Variants in TMEM71 observed in about 807,000 individuals in gnomAD.
TMEM71 encodes transmembrane protein 71.
Under a neutral mutation model 38.0 loss-of-function variants are expected in TMEM71, and 44 were observed. That is an observed-to-expected ratio of 1.16 (90% CI 0.91 to 1.49). The LOEUF is 1.49. TMEM71 is among the 40% of genes most tolerant of loss of function. The pLI is 0.00. For synonymous variants in TMEM71, 133 were observed against 122.5 expected (o/e 1.09, Z -0.56); for missense variants, 367 against 348.6 (o/e 1.05, Z -0.42).
intron 5 of TMEM71, among the ~76,000 whole-genome samples, chr8:132,745,154 AC>A (rs1159679696): frequency 3.3e-5 from 5 of 152,232 alleles, no homozygotes; most frequent in Non-Finnish European, 7.4e-5. Flanking sequence ...AGCAATTGCA[AC>A]AAAAACAAAA....
rs113178295 is a variant in TMEM71 at position 132,713,995 on chromosome 8, C to A, written c.872G>T (p.Arg291Leu). 1 of 1,613,564 alleles carries A rather than the reference C, an allele frequency of 6.2e-7. No homozygotes were observed. The highest frequency in any genetic ancestry group is 2.2e-5 in the East Asian group (1 of 44,840). ...TAATGATGACACAGGCAACACTTAC[C>A]GAGCACAGGCAGTGGTTTTGAAATA... The part of the protein sequence containing the change: ...ASYFKTTACA[R>L]FVKI The change falls in exon 9 of 10, where the codon CGG (arginine) becomes CTG (leucine). Residue 291 changes from arginine to leucine, a missense_variant and splice_region_variant. Arg to Leu is a moderately radical substitution (Grantham distance 102). Coordinates refer to ENST00000677595, the MANE Select transcript of TMEM71 (RefSeq NM_001382403.1).
At chr8:132,737,513 C>T (rs1231580721) in intron 5 of TMEM71, among the ~76,000 whole-genome samples, 2 of 152,330 alleles carry the variant, frequency 1.3e-5, no homozygotes, top group East Asian at 3.9e-4. Context: ...CCCCAAAGAG[C>T]TTTTTCCCAG....
intron 5 of TMEM71, among the ~76,000 whole-genome samples, chr8:132,742,291 C>T (rs370666739): frequency 3.2e-4 from 48 of 152,296 alleles, no homozygotes; most frequent in African/African-American, 1.0e-3. Flanking sequence ...CTTGCCTCGG[C>T]GCCTGGATGG....
At chr8:132,769,462 T>C in the TMEM71 span, among the ~76,000 whole-genome samples, 1 of 152,240 alleles carries the variant, frequency 6.6e-6, no homozygotes, top group Non-Finnish European at 1.5e-5. Context: ...TAGGTAAGAA[T>C]TCAAAAAGAG....
chr8:132,746,569 A>G (rs904546703), intron 5 of TMEM71, among the ~76,000 whole-genome samples: 15 of 150,810 alleles, frequency 9.9e-5, no homozygotes, highest in African/African-American at 3.7e-4. Flanking sequence ...ATCCAAGTGT[A>G]CTCATACTGG....
At chr8:132,727,774 A>G in intron 6 of TMEM71, 24 bp downstream of exon 6, 2 of 1,552,030 alleles carry the variant, frequency 1.3e-6, no homozygotes, top group Non-Finnish European at 1.7e-6. Flanking sequence ...GGGTGTGGCA[A>G]ATATTTAAAA....
chr8:132,727,453 T>G (rs2131061313), intron 6 of TMEM71, among the ~76,000 whole-genome samples: 1 of 152,186 alleles, frequency 6.6e-6, no homozygotes, highest in African/African-American at 2.4e-5. Context: ...AGACAGTGTT[T>G]CACCATGTTA....
intron 4 of TMEM71, among the ~76,000 whole-genome samples, chr8:132,749,153 G>GTAAGAA: frequency 6.6e-6 from 1 of 152,286 alleles, no homozygotes; most frequent in African/African-American, 2.4e-5. Flanking sequence ...GAAGGAGGGT[G>GTAAGAA]CCTAACCAAT....
rs1017031636 is a variant in TMEM71 at position 132,745,752 on chromosome 8, A to G, written c.487+1190T>C. Among the ~76,000 whole-genome samples, 7 of 152,170 alleles carry G rather than the reference A, an allele frequency of 4.6e-5. No homozygotes were observed. In the East Asian group the frequency reaches 1.4e-3, roughly 29 times the overall value. On this transcript the variant is annotated intron_variant, in intron 5 of 9. Coordinates refer to ENST00000677595, the MANE Select transcript of TMEM71 (RefSeq NM_001382403.1). ...TCAGGAGCACTATTCACAATAACAA[A>G]GACAAAGAATCAACCTAGGTTTCCA... is the stretch of plus-strand genomic sequence containing the variant.
At chr8:132,746,464 CAT>C (rs1418705092) in intron 5 of TMEM71, among the ~76,000 whole-genome samples, 2,320 of 17,520 alleles carry the variant, frequency 0.13, 71 homozygotes, top group African/African-American at 0.24. Context: ...TATATATATA[CAT>C]ATATATATAC....
chr8:132,746,902 G>T, intron 5 of TMEM71, 40 bp downstream of exon 5: 1 of 1,512,836 alleles, frequency 6.6e-7, no homozygotes, highest in Non-Finnish European at 8.9e-7. Context: ...TGCCCACTTG[G>T]AGATAAAATT....
chr8:132,761,982 G>C (rs1256848436), upstream of TMEM71, among the ~76,000 whole-genome samples: 1 of 152,178 alleles, frequency 6.6e-6, no homozygotes, highest in African/African-American at 2.4e-5. Flanking sequence ...TGCTCGATTG[G>C]AACTGGGAAA....
At chr8:132,716,599 C>T (rs773565199) in intron 7 of TMEM71, among the ~76,000 whole-genome samples, 32 of 152,130 alleles carry the variant, frequency 2.1e-4, no homozygotes, top group Non-Finnish European at 4.7e-4. Context: ...GGAGGATATA[C>T]ATACGGTATA....
intron 6 of TMEM71, among the ~76,000 whole-genome samples, chr8:132,726,782 T>A (rs1368437330): frequency 6.6e-6 from 1 of 152,186 alleles, no homozygotes; most frequent in East Asian, 1.9e-4. Flanking sequence ...GCCTTTATTA[T>A]CTTTTGACTT....
chr8:132,748,477 C>T (rs1344163421), intron 4 of TMEM71, among the ~76,000 whole-genome samples: 1 of 152,156 alleles, frequency 6.6e-6, no homozygotes, highest in Non-Finnish European at 1.5e-5. Flanking sequence ...GTGAATAGTG[C>T]TACTGTTGAG....
the TMEM71 span, among the ~76,000 whole-genome samples, chr8:132,768,923 C>T: frequency 6.6e-5 from 10 of 152,264 alleles, no homozygotes; most frequent in Non-Finnish European, 1.5e-5. Context: ...AATGCTGACC[C>T]TGCACATTCT....
downstream of TMEM71, among the ~76,000 whole-genome samples, chr8:132,707,214 A>G (rs559418883): frequency 1.3e-5 from 2 of 152,190 alleles, no homozygotes; most frequent in Non-Finnish European, 2.9e-5. Flanking sequence ...TTAGAAACGT[A>G]ATTGGTAATA....
the TMEM71 span, chr8:132,775,409 C>CGGA: frequency 2.7e-6 from 1 of 371,074 alleles, no homozygotes; most frequent in Non-Finnish European, 4.7e-6. Flanking sequence ...GCGGCGGAGG[C>CGGA]GGCGGCGGCG....
At chr8:132,772,492 T>C in the TMEM71 span, among the ~76,000 whole-genome samples, 2 of 152,190 alleles carry the variant, frequency 1.3e-5, no homozygotes, top group Non-Finnish European at 1.5e-5. Context: ...GAATTTTGTA[T>C]ATCCTGTATC....
Sources: gnomAD v4.1 joint callset for allele counts (sites outside exome capture counted in the v4.1 genomes callset) on GRCh38, gnomAD v4.1.1 for gene constraint, MANE v1.5 for transcripts, NCBI Gene and HGNC (gene_info 2026-07-23, HGNC 2026-07-21) for gene names.